Variants in ZNF546 observed in about 807,000 individuals in gnomAD.
ZNF546 encodes CTC-471F3.6.
ZNF546 carries 60 observed loss-of-function variants against 76.2 expected under a neutral mutation model. That is an observed-to-expected ratio of 0.79 (90% CI 0.64 to 0.98). The LOEUF is 0.98. Among genes scored for constraint, ZNF546 ranks in the 50% least tolerant of loss-of-function variants. The pLI is 0.00. For synonymous variants in ZNF546, 277 were observed against 328.1 expected (o/e 0.84, Z 1.68); for missense variants, 936 against 1,035.6 (o/e 0.90, Z 1.32).
chr19:40,003,249 G>T (rs1427488798), intron 3 of ZNF546, among the ~76,000 whole-genome samples: 1 of 149,390 alleles, frequency 6.7e-6, no homozygotes, highest in East Asian at 2.0e-4. Flanking sequence ...TTGTTAGCCA[G>T]GATGATCTTG....
chr19:40,004,886 CTG>C (rs1328841714), intron 3 of ZNF546, among the ~76,000 whole-genome samples: 1 of 151,846 alleles, frequency 6.6e-6, no homozygotes, highest in African/African-American at 2.4e-5. Flanking sequence ...CATAGATGAT[CTG>C]TAACTTATCT....
intron 3 of ZNF546, among the ~76,000 whole-genome samples, chr19:40,001,884 G>A (rs1971535657): frequency 6.6e-6 from 1 of 152,046 alleles, no homozygotes. Flanking sequence ...AATAATACTG[G>A]CTAACTTTTA....
At position 40,015,406 on chromosome 19, in the gene ZNF546, AAG is replaced by A; in HGVS notation, c.2138_2139del (p.Arg713AsnfsTer5). 6.2e-7 allele frequency: 1 copy of A among 1,614,108 alleles called. No homozygotes were observed. The highest frequency in any genetic ancestry group is 8.5e-7 in the Non-Finnish European group (1 of 1,180,012). On this transcript the variant is annotated frameshift_variant, in exon 7 of 7. Transcript: ENST00000347077. LOFTEE classifies it high-confidence loss of function. ...GCAGTTATCGACTTACATTACATCA[AAG>A]AATTCACACTGGTGAGCTTCCATAT... The part of the protein sequence containing the change: ...ICSYRLTLHQ[R>X]IHTGELPYEC...
Position 40,014,409 on chromosome 19 carries a change from C to T in ZNF546, c.1139C>T (p.Thr380Ile). The T allele has an allele frequency of 6.2e-7, 1 of 1,614,114 alleles. No individual in the cohort carries two copies. ...RHISQHQKIHTGVKPYKCNEC... is the reference protein window; with the variant it reads ...RHISQHQKIHIGVKPYKCNEC... ...ATTAGTCAACATCAGAAAATTCATA[C>T]TGGTGTCAAACCCTATAAATGTAAT... is the stretch of plus-strand genomic sequence containing the variant. Residue 380 changes from threonine (T) to isoleucine (I), a missense_variant, in exon 7 of 7, where the codon ACT (threonine) becomes ATT (isoleucine). By Grantham distance (89) the Thr-to-Ile change is moderately conservative. Transcript: ENST00000347077.
chr19:40,012,131 C>T (rs1270102044), intron 6 of ZNF546, among the ~76,000 whole-genome samples: 2 of 152,024 alleles, frequency 1.3e-5, no homozygotes, highest in Non-Finnish European at 2.9e-5. Flanking sequence ...AATGATAAAA[C>T]AACTGATGCT....
At position 40,014,026 on chromosome 19, in the gene ZNF546, G is replaced by T. The variant is rs749801684; in HGVS notation, c.756G>T (p.Lys252Asn). ...CCTATAAATGTATGGAATGTGGAAA[G>T]GCCTTTTGTCGAGTGGGAGACCTTA... ...ERPYKCMECGKAFCRVGDLRV... is the reference protein window; with the variant it reads ...ERPYKCMECGNAFCRVGDLRV... The change falls in exon 7 of 7, where the codon AAG becomes AAT. Residue 252 changes from lysine (K) to asparagine (N), a missense_variant. Lys to Asn is a moderately conservative substitution (Grantham distance 94, BLOSUM62 0). Transcript: ENST00000347077. The T allele has an allele frequency of 1.9e-6, 3 of 1,611,990 alleles. 1 individual carries two copies. The East Asian group carries it at 6.7e-5, about 36-fold the overall frequency.
chr19:40,004,030 A>G (rs1351527096), intron 3 of ZNF546, among the ~76,000 whole-genome samples: 1 of 144,610 alleles, frequency 6.9e-6, no homozygotes, highest in Non-Finnish European at 1.5e-5. Flanking sequence ...ATATATATAT[A>G]AATATATAAA....
intron 3 of ZNF546, among the ~76,000 whole-genome samples, chr19:40,001,937 C>A (rs1971536316): frequency 1.3e-5 from 2 of 152,182 alleles, no homozygotes; most frequent in Admixed American, 6.5e-5. Flanking sequence ...TGTATTATCT[C>A]AATCTTCGTG....
chr19:39,998,485 T>G, intron 3 of ZNF546, 75 bp downstream of exon 3: 1 of 1,234,972 alleles, frequency 8.1e-7, no homozygotes, highest in South Asian at 1.2e-5. Context: ...TAGAATCACA[T>G]CATCCATCTT....
chr19:40,000,789 G>C (rs1464188034), intron 3 of ZNF546, among the ~76,000 whole-genome samples: 2 of 152,028 alleles, frequency 1.3e-5, no homozygotes, highest in East Asian at 3.9e-4. Context: ...CACCAGGACT[G>C]GTTTCATGGA....
chr19:40,017,905 A>C lies in ZNF546; in HGVS notation c.*2124A>C, dbSNP rs1202051290. The stretch of plus-strand genomic sequence containing the variant: ...CCAAATTCATGAATTACATTTGTGC[A>C]TTGTTCGTCTCTTTTAAAGTAAGAA... On this transcript the variant is annotated 3_prime_UTR_variant, in exon 7 of 7. Transcript: ENST00000347077. The C allele has an allele frequency of 6.9e-6, 1 of 144,520 alleles. No individual in the cohort carries two copies. The highest frequency in any genetic ancestry group is 1.5e-5 in the Non-Finnish European group (1 of 66,608). The allele number at this position is 144,520 out of a possible 1,614,324, so 9.0% of individuals were successfully genotyped here.
In ZNF546 at chr19:40,016,273, C is replaced by G. The variant is rs1047771639; in HGVS notation, c.*492C>G. ...CAGTGGCTCACACCTGTAATCCCAG[C>G]ACTATGGGAGGCCCAGGTGAGCAGA... is the stretch of plus-strand genomic sequence containing the variant. On this transcript the variant is annotated 3_prime_UTR_variant, in exon 7 of 7. Transcript: ENST00000347077. 1.2e-5 allele frequency: 2 copies of G among 162,974 alleles called. No homozygotes were observed. The highest frequency in any genetic ancestry group is 2.7e-5 in the Non-Finnish European group (2 of 74,742). The allele number at this position is 162,974 out of a possible 1,614,324, so 10.1% of individuals were successfully genotyped here. A position where few individuals can be genotyped will look rare whatever the true frequency, so the allele number is the denominator to read the frequency against.
chr19:40,007,107 C>T (rs1306669797), intron 4 of ZNF546, among the ~76,000 whole-genome samples, 167 bp from the exon 5 acceptor site: 3 of 152,194 alleles, frequency 2.0e-5, no homozygotes, highest in South Asian at 2.1e-4. Context: ...TCTTTAAAAG[C>T]GTATGAACAC....
chr19:40,002,619 A>G (rs1356565671), intron 3 of ZNF546, among the ~76,000 whole-genome samples: 3 of 152,066 alleles, frequency 2.0e-5, no homozygotes, highest in Non-Finnish European at 2.9e-5. Flanking sequence ...GATTTGTTCT[A>G]TGTTTTCCAG....
intron 6 of ZNF546, among the ~76,000 whole-genome samples, chr19:40,010,187 G>T (rs1971654195): frequency 6.6e-6 from 1 of 152,102 alleles, no homozygotes; most frequent in Admixed American, 6.5e-5. Flanking sequence ...TGGATCACTG[G>T]AGGTCAGGAG....
rs1387504830 is a variant in ZNF546, at chr19:40,018,467, C to T, written c.*2686C>T. The T allele has an allele frequency of 6.6e-6, 1 of 152,220 alleles. No individual in the cohort carries two copies. Among genetic ancestry groups the T allele is most frequent in the Admixed American group, 6.5e-5 (1 of 15,280 alleles). The allele number at this position is 152,220 out of a possible 1,614,324, so 9.4% of individuals were successfully genotyped here. Reference sequence around the variant, plus strand: ...CACTATGGTATCCTTAGTTCATTCACTTGGTGTAGCAGAACATACATTCCA... The same window carrying T: ...CACTATGGTATCCTTAGTTCATTCATTTGGTGTAGCAGAACATACATTCCA... On this transcript the variant is annotated 3_prime_UTR_variant, in exon 7 of 7. Coordinates refer to ENST00000347077, the MANE Select transcript of ZNF546 (RefSeq NM_178544.5).
chr19:40,014,127 A>G lies in ZNF546; in HGVS notation c.857A>G (p.Tyr286Cys), dbSNP rs776008320. 2.7e-5 allele frequency: 43 copies of G among 1,613,212 alleles called. No individual in the cohort carries two copies. Among genetic ancestry groups the G allele is most frequent in the Non-Finnish European group, 3.3e-5 (39 of 1,179,778 alleles). ...TGTGGGAAGGCCTTTAGACTTCATT[A>G]TCACCTTACTGAACATCAGAGAATA... ...KECGKAFRLH[Y>C]HLTEHQRIHS... The change falls in exon 7 of 7, where the codon TAT becomes TGT. Residue 286 changes from tyrosine (Y) to cysteine (C), a missense_variant. Physicochemically the swap from Tyr to Cys is radical, Grantham distance 194. Transcript: ENST00000347077.
rs574147018 is a variant in ZNF546 at position 40,017,545 on chromosome 19, A to G, written c.*1764A>G. 2.0e-5 allele frequency: 3 copies of G among 152,368 alleles called. No homozygotes were observed. The highest frequency in any genetic ancestry group is 1.9e-4 in the East Asian group (1 of 5,192). The allele number at this position is 152,368 out of a possible 1,614,324, so 9.4% of individuals were successfully genotyped here. ...AAAGGCTGCCTCCTACTTAATTGCT[A>G]TATAACAATTGTCCAACCTGTCTGT... On this transcript the variant is annotated 3_prime_UTR_variant, in exon 7 of 7. Transcript: ENST00000347077.
rs1345204322 is a variant in ZNF546, at chr19:40,015,221, C to T, written c.1951C>T (p.His651Tyr). The change falls in exon 7 of 7, where the codon CAT becomes TAT. Residue 651 changes from histidine to tyrosine, a missense_variant. Coordinates refer to ENST00000347077, the MANE Select transcript of ZNF546 (RefSeq NM_178544.5). ...TGGGAAGGCCTTTATTCGTAGCACT[C>T]ATCTCACGCAACATCACAGAATTCA... ...ECGKAFIRST[H>Y]LTQHHRIHTG... 6.2e-7 allele frequency: 1 copy of T among 1,613,566 alleles called. No homozygotes were observed. Among genetic ancestry groups the T allele is most frequent in the Non-Finnish European group, 8.5e-7 (1 of 1,179,882 alleles).
Sources: allele counts gnomAD v4.1 joint callset (sites outside exome capture counted in the v4.1 genomes callset), GRCh38; gene constraint gnomAD v4.1.1; transcripts MANE v1.5; gene names NCBI Gene and HGNC (gene_info 2026-07-23, HGNC 2026-07-21).